PPARGC1A: variants seen among roughly 807,000 people sequenced by gnomAD.
PPARGC1A encodes PPARG coactivator 1 alpha, also known as peroxisome proliferator-activated receptor gamma coactivator 1-alpha.
Under a neutral mutation model 88.7 loss-of-function variants are expected in PPARGC1A, and 25 were observed. The observed-to-expected ratio is 0.28, with a 90% CI of 0.21 to 0.39. The LOEUF is 0.39. Among genes scored for constraint, PPARGC1A ranks in the 10% least tolerant of loss-of-function variants. The pLI is 1.00. For missense variants in PPARGC1A, 880 were observed against 968.7 expected, an observed-to-expected ratio of 0.91 and a Z score of 1.22; for synonymous variants, 363 against 355.6, an observed-to-expected ratio of 1.02 and a Z score of -0.24.
the PPARGC1A span, among the ~76,000 whole-genome samples, chr4:24,222,465 T>C: frequency 2.6e-5 from 4 of 152,250 alleles, no homozygotes; most frequent in Admixed American, 6.5e-5. Flanking sequence ...AGCTAACGTA[T>C]ACAAAGTGAT....
the PPARGC1A span, among the ~76,000 whole-genome samples, chr4:24,141,164 T>G: frequency 1.3e-5 from 2 of 152,184 alleles, no homozygotes; most frequent in Non-Finnish European, 2.9e-5. Flanking sequence ...AATCCCTTGC[T>G]CCAGAGGAAC....
chr4:24,153,943 A>C, the PPARGC1A span, among the ~76,000 whole-genome samples: 1 of 152,184 alleles, frequency 6.6e-6, no homozygotes, highest in Non-Finnish European at 1.5e-5. Context: ...AATATGAGAA[A>C]GGGAGGGAAA....
chr4:24,038,599 C>G, the PPARGC1A span, among the ~76,000 whole-genome samples: 2 of 152,304 alleles, frequency 1.3e-5, no homozygotes, highest in East Asian at 3.9e-4. Flanking sequence ...CCTGAAACCA[C>G]TCCTAGTGTT....
the PPARGC1A span, among the ~76,000 whole-genome samples, chr4:24,268,049 A>C: frequency 6.6e-6 from 1 of 152,216 alleles, no homozygotes; most frequent in Non-Finnish European, 1.5e-5. Context: ...TGATGTTGGA[A>C]GCACTTGAAA....
intron 7 of PPARGC1A, among the ~76,000 whole-genome samples, chr4:23,815,178 T>A (rs1577374734): frequency 6.8e-6 from 1 of 146,274 alleles, no homozygotes; most frequent in Non-Finnish European, 1.5e-5. Context: ...ATGGTGAGAG[T>A]GACATAAGCA....
intron 10 of PPARGC1A, among the ~76,000 whole-genome samples, chr4:23,806,598 T>C (rs1719851994): frequency 6.6e-6 from 1 of 152,196 alleles, no homozygotes; most frequent in African/African-American, 2.4e-5. Flanking sequence ...AACTTTTAGC[T>C]TCAGTTTTCA....
At chr4:24,331,067 T>G in the PPARGC1A span, among the ~76,000 whole-genome samples, 1 of 152,186 alleles carries the variant, frequency 6.6e-6, no homozygotes, top group Non-Finnish European at 1.5e-5. Flanking sequence ...ATATTCTTCA[T>G]GCTGTTTTTT....
intron 7 of PPARGC1A, 25 bp from the exon 8 acceptor site, chr4:23,814,630 A>C: frequency 6.8e-7 from 1 of 1,479,690 alleles, no homozygotes; most frequent in Non-Finnish European, 9.0e-7. Flanking sequence ...AAAAAAAAAA[A>C]AAAAAAGAGA....
chr4:24,326,785 G>A, the PPARGC1A span, among the ~76,000 whole-genome samples: 289 of 152,202 alleles, frequency 1.9e-3, 8 homozygotes, highest in East Asian at 1.2e-3. Context: ...AGCCAGGACC[G>A]CACCCTGTAG....
the PPARGC1A span, among the ~76,000 whole-genome samples, chr4:24,330,073 C>A: frequency 1.3e-5 from 2 of 152,162 alleles, no homozygotes; most frequent in Non-Finnish European, 2.9e-5. Context: ...GTTCCATGTG[C>A]ATTACTCAGT....
At chr4:24,049,308 GTA>G in the PPARGC1A span, among the ~76,000 whole-genome samples, 338 of 139,546 alleles carry the variant, frequency 2.4e-3, 1 homozygote, top group African/African-American at 8.6e-3. Flanking sequence ...ATATATGTGT[GTA>G]TATATATATA....
chr4:24,054,105 T>C, the PPARGC1A span, among the ~76,000 whole-genome samples: 1 of 152,164 alleles, frequency 6.6e-6, no homozygotes, highest in Non-Finnish European at 1.5e-5. Flanking sequence ...CAAAGTAGTG[T>C]TGAAATCTCT....
At chr4:24,307,138 T>C in the PPARGC1A span, among the ~76,000 whole-genome samples, 1 of 152,136 alleles carries the variant, frequency 6.6e-6, no homozygotes, top group African/African-American at 2.4e-5. Flanking sequence ...CTGGCTCCCC[T>C]TTTATGGGCT....
At chr4:24,428,063 C>CA in the PPARGC1A span, among the ~76,000 whole-genome samples, 592 of 150,996 alleles carry the variant, frequency 3.9e-3, 18 homozygotes, top group Admixed American at 0.036. Context: ...TGCAGTGAGC[C>CA]ATGATGGCAC....
At chr4:23,890,824 T>C (rs982910622), upstream of PPARGC1A, among the ~76,000 whole-genome samples, 3 of 152,096 alleles carry the variant, frequency 2.0e-5, no homozygotes, top group African/African-American at 4.8e-5. Flanking sequence ...ATTTCTCTCA[T>C]AGGCTCCCAG....
the PPARGC1A span, among the ~76,000 whole-genome samples, chr4:24,178,591 T>C: frequency 6.6e-6 from 1 of 152,252 alleles, no homozygotes. Flanking sequence ...AGTTGAATAC[T>C]TATTGAAAGA....
the PPARGC1A span, among the ~76,000 whole-genome samples, chr4:24,345,711 T>A: frequency 2.6e-5 from 4 of 152,116 alleles, no homozygotes; most frequent in Admixed American, 2.0e-4. Context: ...AGGTAAACAA[T>A]CATATCGTCA....
the PPARGC1A span, among the ~76,000 whole-genome samples, chr4:24,192,420 G>A: frequency 3.9e-5 from 6 of 152,144 alleles, no homozygotes; most frequent in South Asian, 2.1e-4. Context: ...ATTAGATTAC[G>A]TCAGTAGTTA....
At chr4:24,048,357 G>A in the PPARGC1A span, among the ~76,000 whole-genome samples, 1 of 151,950 alleles carries the variant, frequency 6.6e-6, no homozygotes, top group Non-Finnish European at 1.5e-5. Flanking sequence ...ACATTTTTTG[G>A]CCTCTATCCT....
Sources: gnomAD v4.1 joint callset for allele counts (sites outside exome capture counted in the v4.1 genomes callset) on GRCh38, gnomAD v4.1.1 for gene constraint, MANE v1.5 for transcripts, NCBI Gene and HGNC (gene_info 2026-07-23, HGNC 2026-07-21) for gene names.